NBAS: variants seen among roughly 807,000 people sequenced by gnomAD.
The protein encoded by NBAS is NAG/BC035112 fusion.
NBAS carries 219 observed loss-of-function variants against 302.5 expected under a neutral mutation model. The ratio of observed to expected loss-of-function variants is 0.72; its 90% CI spans 0.65 to 0.81. The LOEUF is 0.81. Ranked by LOEUF, NBAS falls within the 30% of genes least tolerant of loss-of-function variation. The probability of loss-of-function intolerance (pLI) is 0.00; values close to 1 mark genes in which losing one functional copy is unlikely to be tolerated. For missense variants in NBAS, 2,932 were observed against 2,841.6 expected, an observed-to-expected ratio of 1.03 and a Z score of -0.72; for synonymous variants, 1,118 against 1,021.6, an observed-to-expected ratio of 1.09 and a Z score of -1.80.
At chr2:15,174,450 T>C (rs184665482) in intron 51 of NBAS, among the ~76,000 whole-genome samples, 1 of 152,082 alleles carries the variant, frequency 6.6e-6, no homozygotes, top group East Asian at 1.9e-4. Context: ...GATAAAGGGG[T>C]ATAGGTTTCA....
the NBAS span, among the ~76,000 whole-genome samples, chr2:14,913,395 G>A: frequency 2.0e-5 from 3 of 152,234 alleles, no homozygotes; most frequent in South Asian, 2.1e-4. Flanking sequence ...GTTAGGTAGC[G>A]AAGGAAAGGG....
chr2:15,259,130 A>T (rs1291614862), intron 44 of NBAS, among the ~76,000 whole-genome samples: 1 of 152,232 alleles, frequency 6.6e-6, no homozygotes, highest in African/African-American at 2.4e-5. Flanking sequence ...TGAAAAAATA[A>T]CTGAATATAG....
the NBAS span, among the ~76,000 whole-genome samples, chr2:14,854,119 A>G: frequency 6.6e-6 from 1 of 151,670 alleles, no homozygotes; most frequent in Non-Finnish European, 1.5e-5. Context: ...TGAAAAATTT[A>G]TTAAAACTAA....
At chr2:14,915,806 C>T in the NBAS span, among the ~76,000 whole-genome samples, 1 of 152,242 alleles carries the variant, frequency 6.6e-6, no homozygotes, top group South Asian at 2.1e-4. Flanking sequence ...ATGATCTGCC[C>T]ATCTCAGCCT....
At chr2:15,246,097 T>C (rs1366067725) in intron 44 of NBAS, among the ~76,000 whole-genome samples, 1 of 152,246 alleles carries the variant, frequency 6.6e-6, no homozygotes, top group East Asian at 1.9e-4. Context: ...GAGCCACTTG[T>C]ATATTGAAGA....
intron 18 of NBAS, 55 bp downstream of exon 18, chr2:15,467,609 G>T: frequency 6.5e-7 from 1 of 1,531,838 alleles, no homozygotes; most frequent in South Asian, 1.1e-5. Flanking sequence ...GGAACACACT[G>T]AAATGATTAG....
the NBAS span, among the ~76,000 whole-genome samples, chr2:14,923,077 G>A: frequency 2.0e-5 from 3 of 152,174 alleles, no homozygotes; most frequent in East Asian, 1.9e-4. Context: ...GCATGAACCC[G>A]GGAAGCGGAG....
chr2:15,287,677 T>G (rs886674149), intron 41 of NBAS, among the ~76,000 whole-genome samples: 4 of 149,188 alleles, frequency 2.7e-5, no homozygotes, highest in African/African-American at 9.9e-5. Context: ...GGCAGTCCCG[T>G]GGAGGCATCC....
At chr2:15,331,011 A>G (rs1558541369) in intron 35 of NBAS, among the ~76,000 whole-genome samples, 1 of 152,210 alleles carries the variant, frequency 6.6e-6, no homozygotes, top group East Asian at 1.9e-4. Context: ...CCCATAGTGT[A>G]TTAAATAATC....
intron 9 of NBAS, among the ~76,000 whole-genome samples, chr2:15,520,541 C>T (rs1315542809): frequency 6.6e-6 from 1 of 151,896 alleles, no homozygotes; most frequent in Non-Finnish European, 1.5e-5. Flanking sequence ...GTGTAAAAGG[C>T]CAGATTATAA....
intron 21 of NBAS, among the ~76,000 whole-genome samples, chr2:15,458,568 C>T (rs1394144359): frequency 2.6e-5 from 4 of 152,100 alleles, no homozygotes; most frequent in Non-Finnish European, 2.9e-5. Flanking sequence ...CTTCACCTTC[C>T]ACCATGACTG....
At chr2:14,894,523 A>G in the NBAS span, among the ~76,000 whole-genome samples, 75 of 151,984 alleles carry the variant, frequency 4.9e-4, no homozygotes, top group Non-Finnish European at 8.8e-4. Context: ...AGTAATCATT[A>G]ACTAACAGAA....
rs1229084595 is a variant in NBAS, at chr2:15,359,303, A to G, written c.3818-2887T>C. Among the ~76,000 whole-genome samples the G allele has an allele frequency of 6.6e-5, 10 of 152,374 alleles. 1 individual carries two copies. The East Asian group carries it at 1.9e-3, about 29-fold the overall frequency. On this transcript the variant is annotated intron_variant, in intron 32 of 51. Transcript: ENST00000281513. ...GCACCTGACCAACCATTTGAAACAAAGTAGATGAAGAAAAAGTTTTTGTCC... is the reference window on the plus strand; with the variant it reads ...GCACCTGACCAACCATTTGAAACAAGGTAGATGAAGAAAAAGTTTTTGTCC...
At position 15,287,322 on chromosome 2, in the gene NBAS, G is replaced by A. The variant is rs1670090781; in HGVS notation, c.5028-139C>T. 50 of 709,712 alleles carry A rather than the reference G, an allele frequency of 7.0e-5. 1 individual carries two copies. In the South Asian group the frequency reaches 7.2e-4, roughly 10 times the overall value. The allele number at this position is 709,712 out of a possible 1,614,324, so 44.0% of individuals were successfully genotyped here. A position where few individuals can be genotyped will look rare whatever the true frequency, so the allele number is the denominator to read the frequency against. On this transcript the variant is annotated intron_variant, in intron 41 of 51. Coordinates refer to ENST00000281513, the MANE Select transcript of NBAS (RefSeq NM_015909.4). Reference sequence around the variant, plus strand: ...GGTCCTTAATAAGACAGTTCACAGTGATCCAGGAAAAGTACTTCCAAGGAA... The same window carrying A: ...GGTCCTTAATAAGACAGTTCACAGTAATCCAGGAAAAGTACTTCCAAGGAA...
intron 47 of NBAS, 131 bp downstream of exon 47, chr2:15,232,291 G>T: frequency 1.3e-6 from 1 of 797,452 alleles, no homozygotes; most frequent in Non-Finnish European, 2.1e-6. Flanking sequence ...GTCTCCAAGT[G>T]CAGAGCCGCT....
chr2:15,234,829 TCC>T, intron 45 of NBAS, 82 bp from the exon 46 acceptor site: 1 of 1,396,442 alleles, frequency 7.2e-7, no homozygotes, highest in Non-Finnish European at 1.0e-6. Flanking sequence ...CATATTTAGA[TCC>T]TCGAACCAAA....
chr2:15,446,453 T>C (rs1165402700), intron 21 of NBAS, among the ~76,000 whole-genome samples: 3 of 152,088 alleles, frequency 2.0e-5, no homozygotes, highest in African/African-American at 7.2e-5. Context: ...CTATACTCAA[T>C]AAAATATCTT....
chr2:15,059,768 G>A, the NBAS span, among the ~76,000 whole-genome samples: 1 of 152,162 alleles, frequency 6.6e-6, no homozygotes, highest in Non-Finnish European at 1.5e-5. Context: ...GACTTGGGCT[G>A]AAAACTTATT....
intron 38 of NBAS, among the ~76,000 whole-genome samples, chr2:15,316,626 C>T (rs775131148): frequency 3.9e-5 from 6 of 152,206 alleles, no homozygotes; most frequent in African/African-American, 7.2e-5. Context: ...TCACTGCTAG[C>T]GCAGCAGTCT....
Sources: allele counts gnomAD v4.1 joint callset (sites outside exome capture counted in the v4.1 genomes callset), GRCh38; gene constraint gnomAD v4.1.1; transcripts MANE v1.5; gene names NCBI Gene and HGNC (gene_info 2026-07-23, HGNC 2026-07-21).